MAP4K5: variants seen among roughly 807,000 people sequenced by gnomAD.
MAP4K5 encodes the protein mitogen-activated protein kinase kinase kinase kinase 5, also known as MAPK/ERK kinase kinase kinase 5.
A neutral mutation model predicts 135.6 loss-of-function variants in MAP4K5; 82 were observed. The ratio of observed to expected loss-of-function variants is 0.60; its 90% confidence interval spans 0.51 to 0.73. The LOEUF is 0.73. MAP4K5 is among the 30% of genes least tolerant of loss of function. The pLI is 0.00. For missense variants in MAP4K5, 907 were observed against 1,010.9 expected (o/e 0.90, Z 1.39); for synonymous variants, 347 against 335.0 (o/e 1.04, Z -0.39).
chr14:50,546,344 G>T (rs539510295), intron 1 of MAP4K5, among the ~76,000 whole-genome samples: 3 of 152,046 alleles, frequency 2.0e-5, no homozygotes, highest in Non-Finnish European at 2.9e-5. Context: ...CATGGCTAGA[G>T]TTCTGAAGTA....
upstream of MAP4K5, chr14:50,532,832 T>C (rs1332935017): frequency 6.6e-6 from 1 of 152,372 alleles, no homozygotes; most frequent in Non-Finnish European, 1.5e-5. Flanking sequence ...TGGGCATTCG[T>C]GGGCCAACGG....
intron 3 of MAP4K5, among the ~76,000 whole-genome samples, chr14:50,501,689 A>G (rs995747271): frequency 1.3e-5 from 2 of 152,138 alleles, no homozygotes; most frequent in Admixed American, 6.6e-5. Context: ...TGGCAATATC[A>G]ATGTCAGATA....
At chr14:50,467,832 G>A (rs977638386) in intron 10 of MAP4K5, among the ~76,000 whole-genome samples, 2 of 151,978 alleles carry the variant, frequency 1.3e-5, no homozygotes, top group Admixed American at 6.6e-5. Context: ...ATAGATTCCC[G>A]TATCTGGTAC....
chr14:50,439,980 T>C (rs1188030564), intron 23 of MAP4K5, 33 bp downstream of exon 23: 4 of 1,450,968 alleles, frequency 2.8e-6, no homozygotes, highest in Non-Finnish European at 9.4e-7. Context: ...TCTCTGCTTA[T>C]CTATGGTTTA....
At chr14:50,516,932 A>G (rs541524054) in intron 2 of MAP4K5, among the ~76,000 whole-genome samples, 1 of 152,290 alleles carries the variant, frequency 6.6e-6, no homozygotes, top group South Asian at 2.1e-4. Flanking sequence ...AACTCTGCTC[A>G]GATAAAAATA....
At chr14:50,461,523 A>G (rs1405766775) in intron 13 of MAP4K5, among the ~76,000 whole-genome samples, 1 of 152,216 alleles carries the variant, frequency 6.6e-6, no homozygotes, top group Non-Finnish European at 1.5e-5. Context: ...GGAGAGAAAG[A>G]GACTGGTGAA....
Position 50,470,421 on chromosome 14 carries a change from T to A in MAP4K5, c.543-1639A>T, listed in dbSNP as rs1236922855. Among the ~76,000 whole-genome samples the A allele has an allele frequency of 2.6e-5, 4 of 152,098 alleles. No homozygotes were observed. In the East Asian group the frequency reaches 5.8e-4, roughly 22 times the overall value. ...AGAAGAGTATTCACAAAAAGGACAGTCATAGAAAGTGAGGGACTCTGATGT... is the reference window on the plus strand; with the variant it reads ...AGAAGAGTATTCACAAAAAGGACAGACATAGAAAGTGAGGGACTCTGATGT... On this transcript the variant is annotated intron_variant, in intron 9 of 32. Transcript: ENST00000682126.
chr14:50,432,697 C>T (rs2036000309), intron 28 of MAP4K5, among the ~76,000 whole-genome samples: 1 of 151,580 alleles, frequency 6.6e-6, no homozygotes, highest in African/African-American at 2.4e-5. Flanking sequence ...CGCAAATATA[C>T]ATTAAATAGT....
intron 23 of MAP4K5, among the ~76,000 whole-genome samples, chr14:50,439,765 A>G (rs147609215): frequency 2.5e-3 from 379 of 152,206 alleles, no homozygotes; most frequent in Middle Eastern, 0.014. Context: ...GCCTCTAGTG[A>G]TAAGCACTGT....
At chr14:50,547,886 C>T (rs1038680138) in intron 1 of MAP4K5, among the ~76,000 whole-genome samples, 2 of 152,194 alleles carry the variant, frequency 1.3e-5, no homozygotes, top group African/African-American at 4.8e-5. Context: ...CCAGGTACTA[C>T]CAAAAGGATA....
Position 50,464,083 on chromosome 14 carries a change from T to C in MAP4K5, c.788A>G (p.Lys263Arg). ...AAGTCTTTCAGCAGTTGGTCTTTTT[T>C]TTGGGTTTTTGGTTAGTGCTATTTT... ...FVKIALTKNP[K>R]KRPTAERLLT... Residue 263 changes from lysine (K) to arginine (R), a missense_variant, in exon 12 of 33, where the codon AAA becomes AGA. Physicochemically the swap from Lys to Arg is conservative, Grantham distance 26 (BLOSUM62 2). Around this residue, in one of 3 missense-constraint regions of MAP4K5, gnomAD observed 690 missense variants for 777.4 expected, o/e 0.89. Transcript: ENST00000682126. The C allele has an allele frequency of 1.3e-6, 2 of 1,548,752 alleles. No homozygotes were observed. The highest frequency in any genetic ancestry group is 1.7e-6 in the Non-Finnish European group (2 of 1,143,704).
At chr14:50,528,708 C>A (rs2038320919) in intron 2 of MAP4K5, among the ~76,000 whole-genome samples, 1 of 152,084 alleles carries the variant, frequency 6.6e-6, no homozygotes, top group Non-Finnish European at 1.5e-5. Context: ...AGCACAAGAC[C>A]ATCTCTCAAA....
chr14:50,441,795 CACAT>C (rs1447450032), intron 21 of MAP4K5, among the ~76,000 whole-genome samples: 19 of 131,752 alleles, frequency 1.4e-4, no homozygotes, highest in South Asian at 7.5e-4. Context: ...CACACACACA[CACAT>C]ATATATACCC....
chr14:50,453,569 A>G (rs996590824), intron 14 of MAP4K5, among the ~76,000 whole-genome samples: 1 of 152,168 alleles, frequency 6.6e-6, no homozygotes, highest in African/African-American at 2.4e-5. Flanking sequence ...GAATCATCCT[A>G]TTCTTGCCTG....
chr14:50,448,190 T>C (rs552884846), intron 15 of MAP4K5, among the ~76,000 whole-genome samples: 1 of 152,148 alleles, frequency 6.6e-6, no homozygotes, highest in African/African-American at 2.4e-5. Context: ...GATTTTTGTA[T>C]TTTTAGTAAA....
chr14:50,448,926 G>T, intron 14 of MAP4K5, 94 bp from the exon 15 acceptor site: 1 of 649,860 alleles, frequency 1.5e-6, no homozygotes. Flanking sequence ...GTGGGGGAGG[G>T]AGAAAGAAGA....
chr14:50,553,740 G>A (rs530130418), intron 1 of MAP4K5, among the ~76,000 whole-genome samples: 123 of 152,266 alleles, frequency 8.1e-4, no homozygotes, highest in Non-Finnish European at 1.3e-3. Context: ...AGGAAATGTG[G>A]TATATATACA....
At position 50,420,215 on chromosome 14, in the gene MAP4K5, C is replaced by T. The variant is rs536038049; in HGVS notation, c.2454-109G>A. On this transcript the variant is annotated intron_variant, in intron 32 of 32. Coordinates refer to ENST00000682126, the MANE Select transcript of MAP4K5 (RefSeq NM_006575.6). ...CATTGTTCACATTTCAGTAAGATTA[C>T]GTAAGGATCACAGACGCACAATCAA... The T allele has an allele frequency of 7.3e-5, 52 of 714,418 alleles. 1 individual carries two copies. Among genetic ancestry groups the T allele is most frequent in the African/African-American group, 4.4e-4 (25 of 57,004 alleles). The allele number at this position is 714,418 out of a possible 1,614,324, so 44.3% of individuals were successfully genotyped here. A position where few individuals can be genotyped will look rare whatever the true frequency, so the allele number is the denominator to read the frequency against.
At position 50,468,605 on chromosome 14, in the gene MAP4K5, C is replaced by T. The variant is rs752646579; in HGVS notation, c.674+46G>A. The stretch of plus-strand genomic sequence containing the variant: ...CTGAGTTATCAGCATTTCACTTTCC[C>T]CATAGACTTGATCAATAACTGGATA... On this transcript the variant is annotated intron_variant, in intron 10 of 32. Transcript: ENST00000682126. 6.7e-5 allele frequency: 107 copies of T among 1,588,748 alleles called. 1 individual carries two copies. In the South Asian group the frequency reaches 8.2e-4, roughly 12 times the overall value.
Sources: allele counts gnomAD v4.1 joint callset (sites outside exome capture counted in the v4.1 genomes callset), GRCh38; gene constraint gnomAD v4.1.1; regional missense constraint gnomAD v4.1.1; transcripts MANE v1.5; gene names NCBI Gene and HGNC (gene_info 2026-07-23, HGNC 2026-07-21).